The following LAMP1 variants were observed in gnomAD, a reference collection of about 807,000 sequenced individuals.
LAMP1 encodes lysosome-associated membrane glycoprotein 1.
A neutral mutation model predicts 37.5 loss-of-function variants in LAMP1; 7 were observed. That is an observed-to-expected ratio of 0.19 (90% CI 0.11 to 0.35). LAMP1 has a LOEUF of 0.35. Ranked by LOEUF, LAMP1 falls within the 10% of genes least tolerant of loss-of-function variation. The pLI, the probability that LAMP1 is intolerant of heterozygous loss-of-function variation, is 1.00. For missense variants in LAMP1, 537 were observed against 552.8 expected, an observed-to-expected ratio of 0.97 and a Z score of 0.29; for synonymous variants, 236 against 229.1, an observed-to-expected ratio of 1.03 and a Z score of -0.27.
intron 1 of LAMP1, among the ~76,000 whole-genome samples, chr13:113,301,639 A>T (rs1253023941): frequency 3.2e-5 from 1 of 31,140 alleles, no homozygotes; most frequent in East Asian, 9.2e-4. Context: ...AAAAAAAAAA[A>T]AAAAAATATA....
intron 4 of LAMP1, among the ~76,000 whole-genome samples, chr13:113,315,321 G>A (rs542768634): frequency 6.0e-5 from 9 of 151,164 alleles, no homozygotes; most frequent in Admixed American, 1.3e-4. Context: ...GGGGCGCGGC[G>A]TCCTGGAGGC....
At chr13:113,315,513 C>T (rs1400091836) in intron 4 of LAMP1, among the ~76,000 whole-genome samples, 1 of 150,782 alleles carries the variant, frequency 6.6e-6, no homozygotes, top group Non-Finnish European at 1.5e-5. Context: ...CCTCAGCCTC[C>T]TGAGTAGCTG....
intron 1 of LAMP1, among the ~76,000 whole-genome samples, chr13:113,301,636 AAAAAAAAAATATAT>A (rs2042572180): frequency 8.1e-5 from 2 of 24,772 alleles, no homozygotes; most frequent in African/African-American, 1.1e-4. Flanking sequence ...TTAAAAAAAA[AAAAAAAAAATATAT>A]ATATATATAT....
At chr13:113,315,964 G>A (rs1281547222) in intron 4 of LAMP1, among the ~76,000 whole-genome samples, 2 of 152,112 alleles carry the variant, frequency 1.3e-5, no homozygotes, top group South Asian at 2.1e-4. Flanking sequence ...TTAGTCGGGC[G>A]TGGTGGCAGG....
At chr13:113,303,123 C>G (rs1234697796) in intron 1 of LAMP1, among the ~76,000 whole-genome samples, 2 of 152,226 alleles carry the variant, frequency 1.3e-5, no homozygotes, top group Non-Finnish European at 2.9e-5. Flanking sequence ...TGCTCAGCTG[C>G]TCCGACAGCC....
rs1250521283 is a variant in LAMP1, at chr13:113,306,547, A to G, written c.124A>G (p.Ile42Val). 8 of 1,614,064 alleles carry G rather than the reference A, an allele frequency of 5.0e-6. No homozygotes were observed. The highest frequency in any genetic ancestry group is 5.1e-6 in the Non-Finnish European group (6 of 1,180,022). ...MVKNGNGTACIMANFSAAFSV... is the reference protein window; with the variant it reads ...MVKNGNGTACVMANFSAAFSV... ...GAAAAATGGCAACGGGACCGCGTGC[A>G]TAATGGCCAACTTCTCTGCTGCCTT... is the stretch of plus-strand genomic sequence containing the variant. The change falls in exon 2 of 9, where the codon ATA (isoleucine) becomes GTA (valine). Residue 42 changes from isoleucine to valine, a missense_variant. Coordinates refer to ENST00000332556, the MANE Select transcript of LAMP1 (RefSeq NM_005561.4).
intron 3 of LAMP1, among the ~76,000 whole-genome samples, 196 bp downstream of exon 3, chr13:113,310,058 G>A (rs1044800509): frequency 6.6e-6 from 1 of 151,484 alleles, no homozygotes; most frequent in Non-Finnish European, 1.5e-5. Context: ...GCGAAACACT[G>A]TCTCTACTAA....
rs774438040 is a variant in LAMP1, at chr13:113,320,447, G to A, written c.853G>A (p.Val285Ile). 53 of 1,609,656 alleles carry A rather than the reference G, an allele frequency of 3.3e-5. No individual in the cohort carries two copies. Among genetic ancestry groups the A allele is most frequent in the African/African-American group, 1.1e-4 (8 of 74,920 alleles). Residue 285 changes from valine to isoleucine, a missense_variant, in exon 6 of 9, where the codon GTC becomes ATC. By Grantham distance (29) the Val-to-Ile change is conservative. Coordinates refer to ENST00000332556, the MANE Select transcript of LAMP1 (RefSeq NM_005561.4). The surrounding 1 kb of genome is among the most constrained non-coding windows in gnomAD (Gnocchi z 4.4). The part of the protein sequence containing the change: ...TLELHSEGTT[V>I]LLFQFGMNAS... ...GGAGCTGCACAGCGAGGGCACCACC[G>A]TCCTGCTCTTCCAGTTCGGGATGGT...
Position 113,321,820 on chromosome 13 carries a change from C to T in LAMP1, c.1114+93C>T, listed in dbSNP as rs778554638. Reference sequence around the variant, plus strand: ...TTAGTCGCTTCCGTGTGGGCTGGGGCGACGCCCCTGTTCCTCTGCAAGGAG... The same window carrying T: ...TTAGTCGCTTCCGTGTGGGCTGGGGTGACGCCCCTGTTCCTCTGCAAGGAG... On this transcript the variant is annotated intron_variant, in intron 8 of 8. Coordinates refer to ENST00000332556, the MANE Select transcript of LAMP1 (RefSeq NM_005561.4). The surrounding 1 kb of genome is among the most constrained non-coding windows in gnomAD (Gnocchi z 5.6). The T allele has an allele frequency of 3.1e-5, 39 of 1,275,660 alleles. No homozygotes were observed. The highest frequency in any genetic ancestry group is 9.4e-5 in the Admixed American group (5 of 53,050). The allele number at this position is 1,275,660 out of a possible 1,614,324, so 79.0% of individuals were successfully genotyped here.
In LAMP1 at chr13:113,319,668, G is replaced by T. The variant is rs778525208; in HGVS notation, c.750+12G>T. On this transcript the variant is annotated intron_variant, in intron 5 of 8. Transcript: ENST00000332556. The stretch of plus-strand genomic sequence containing the variant: ...GGAAGGACAACACGGTAGGGCTGGG[G>T]CCTCACCTGGGAGAGGGGGACGGCA... 3.3e-5 allele frequency: 53 copies of T among 1,605,178 alleles called. 1 individual carries two copies. In the Middle Eastern group the frequency reaches 1.6e-3, roughly 48 times the overall value.
chr13:113,314,775 G>A (rs1269086062), intron 4 of LAMP1, among the ~76,000 whole-genome samples: 2 of 28,634 alleles, frequency 7.0e-5, no homozygotes, highest in African/African-American at 1.6e-4. Context: ...TGGAGATGTC[G>A]GTGTGCCTGG....
intron 1 of LAMP1, among the ~76,000 whole-genome samples, chr13:113,299,274 CT>C (rs75937787): frequency 0.14 from 21,425 of 147,922 alleles, 4,454 homozygotes; most frequent in African/African-American, 0.46. Context: ...ACAATCTTAA[CT>C]TTTTTTTTTT....
intron 3 of LAMP1, 22 bp downstream of exon 3, chr13:113,309,884 T>C (rs1456352255): frequency 6.3e-7 from 1 of 1,577,122 alleles, no homozygotes; most frequent in African/African-American, 1.3e-5. Flanking sequence ...AATGGGCCGA[T>C]TATGAAGTGA....
chr13:113,322,020 C>G (rs1228104226), intron 8 of LAMP1: 4 of 584,450 alleles, frequency 6.8e-6, no homozygotes, highest in Non-Finnish European at 1.2e-5. Flanking sequence ...ATCTGATGTG[C>G]ACAGAGGCCC....
intron 1 of LAMP1, among the ~76,000 whole-genome samples, chr13:113,301,368 C>T (rs1178055231): frequency 2.0e-5 from 3 of 151,782 alleles, no homozygotes; most frequent in Admixed American, 2.0e-4. Context: ...CACGTGTAAT[C>T]CTAACACTTT....
intron 4 of LAMP1, among the ~76,000 whole-genome samples, chr13:113,317,588 G>T (rs777684621): frequency 6.6e-6 from 1 of 152,122 alleles, no homozygotes; most frequent in African/African-American, 2.4e-5. Flanking sequence ...TCTGTGCGTC[G>T]TGTGGCCATC....
At position 113,320,716 on chromosome 13, in the gene LAMP1, A is replaced by G; in HGVS notation, c.876+246A>G. 3.9e-6 allele frequency: 2 copies of G among 507,606 alleles called. No individual in the cohort carries two copies. Among genetic ancestry groups the G allele is most frequent in the Non-Finnish European group, 7.0e-6 (2 of 284,254 alleles). 31.4% of individuals were successfully genotyped at this position (507,606 alleles called of 1,614,324 possible). A position where few individuals can be genotyped will look rare whatever the true frequency, so the allele number is the denominator to read the frequency against. ...AGTTGGAGTGGCTGCAGGGGAGGGC[A>G]TGCAGGCCGTGCGGCCTTCTGGCTT... is the stretch of plus-strand genomic sequence containing the variant. On this transcript the variant is annotated intron_variant, in intron 6 of 8. Coordinates refer to ENST00000332556, the MANE Select transcript of LAMP1 (RefSeq NM_005561.4). This position sits in a 1 kb window ranked among gnomAD's most constrained non-coding sequence, Gnocchi z 4.4.
chr13:113,297,614 C>T lies in LAMP1; in HGVS notation c.61+119C>T, dbSNP rs1283348342. ...CGCGGGTCGCCCCGCACCCACTGCTCCTGGTCCCGGCCGGCTCTGCCCGCG... is the reference window on the plus strand; with the variant it reads ...CGCGGGTCGCCCCGCACCCACTGCTTCTGGTCCCGGCCGGCTCTGCCCGCG... On this transcript the variant is annotated intron_variant, in intron 1 of 8. Transcript: ENST00000332556. This position sits in a 1 kb window ranked among gnomAD's most constrained non-coding sequence, Gnocchi z 4.4. 8 of 962,050 alleles carry T rather than the reference C, an allele frequency of 8.3e-6. No individual in the cohort carries two copies. Among genetic ancestry groups the T allele is most frequent in the Non-Finnish European group, 1.0e-5 (8 of 762,490 alleles). 59.6% of individuals were successfully genotyped at this position (962,050 alleles called of 1,614,324 possible).
At chr13:113,308,846 C>T (rs1207072080) in intron 2 of LAMP1, among the ~76,000 whole-genome samples, 3 of 152,120 alleles carry the variant, frequency 2.0e-5, no homozygotes, top group Non-Finnish European at 4.4e-5. Flanking sequence ...TTCATTTGAC[C>T]TATCTAGTTT....
Sources: gnomAD v4.1 joint callset for allele counts (sites outside exome capture counted in the v4.1 genomes callset) on GRCh38, gnomAD v4.1.1 for gene constraint, Gnocchi (gnomAD v3.1) non-coding constraint, MANE v1.5 for transcripts, NCBI Gene and HGNC (gene_info 2026-07-23, HGNC 2026-07-21) for gene names.